The following GALNT14 variants were observed in gnomAD, a reference collection of about 807,000 sequenced individuals.
GALNT14 encodes polypeptide N-acetylgalactosaminyltransferase 14.
In GALNT14, 60 loss-of-function variants were observed where a neutral mutation model predicts 77.5. The ratio of observed to expected loss-of-function variants is 0.77; its 90% CI spans 0.63 to 0.96. GALNT14 has a LOEUF of 0.96. GALNT14 is among the 40% of genes least tolerant of loss of function. The pLI, the probability that GALNT14 is intolerant of heterozygous loss-of-function variation, is 0.00. For missense variants in GALNT14, 710 were observed against 731.0 expected (o/e 0.97, Z 0.33); for synonymous variants, 280 against 281.7 (o/e 0.99, Z 0.06).
At chr2:31,088,981 G>A (rs1676595827) in intron 1 of GALNT14, among the ~76,000 whole-genome samples, 1 of 152,218 alleles carries the variant, frequency 6.6e-6, no homozygotes, top group Non-Finnish European at 1.5e-5. Context: ...CAGGAAAGAT[G>A]AGCAGCTTAG....
At chr2:30,979,389 G>T (rs564140048) in intron 2 of GALNT14, among the ~76,000 whole-genome samples, 1 of 152,234 alleles carries the variant, frequency 6.6e-6, no homozygotes, top group African/African-American at 2.4e-5. Context: ...AGCAAAGAGG[G>T]TGTTTGCTAC....
intron 13 of GALNT14, among the ~76,000 whole-genome samples, chr2:30,921,009 T>C (rs1484759574): frequency 4.6e-5 from 7 of 152,224 alleles, no homozygotes; most frequent in South Asian, 2.1e-4. Flanking sequence ...GATGCTTTAC[T>C]CACCCACAGG....
chr2:30,942,724 G>A (rs1393397931), intron 8 of GALNT14, among the ~76,000 whole-genome samples: 1 of 152,188 alleles, frequency 6.6e-6, no homozygotes, highest in African/African-American at 2.4e-5. Context: ...TACCGACCAC[G>A]CAGAGGAGAA....
chr2:31,086,761 C>T (rs1676450389), intron 1 of GALNT14, among the ~76,000 whole-genome samples: 2 of 152,122 alleles, frequency 1.3e-5, no homozygotes, highest in African/African-American at 4.8e-5. Flanking sequence ...GGTTGGTGCA[C>T]TACGGACTCT....
chr2:31,085,436 G>A (rs1039131711), intron 1 of GALNT14, among the ~76,000 whole-genome samples: 6 of 152,214 alleles, frequency 3.9e-5, no homozygotes, highest in Admixed American at 3.3e-4. Context: ...ACTCCAAGTC[G>A]ATGACAACAA....
intron 1 of GALNT14, among the ~76,000 whole-genome samples, chr2:31,021,512 G>T (rs1035785916): frequency 2.0e-5 from 3 of 151,816 alleles, no homozygotes; most frequent in African/African-American, 7.3e-5. Context: ...TGCCATGTTG[G>T]TCAGGCTGGT....
intron 1 of GALNT14, among the ~76,000 whole-genome samples, chr2:31,079,639 A>G (rs113852793): frequency 4.6e-5 from 7 of 152,180 alleles, no homozygotes; most frequent in African/African-American, 1.2e-4. Context: ...ATAAAACCCT[A>G]CGTCTCATGT....
intron 1 of GALNT14, among the ~76,000 whole-genome samples, chr2:31,053,505 C>A (rs964405011): frequency 2.0e-5 from 3 of 150,626 alleles, no homozygotes; most frequent in Non-Finnish European, 4.4e-5. Context: ...TGGTTCAGAT[C>A]TTAGCTAAGT....
intron 13 of GALNT14, among the ~76,000 whole-genome samples, chr2:30,913,391 C>A (rs1004397953): frequency 1.3e-5 from 2 of 152,060 alleles, no homozygotes; most frequent in Non-Finnish European, 2.9e-5. Context: ...TTCCCCTTGG[C>A]CCAAGAATGA....
downstream of GALNT14, among the ~76,000 whole-genome samples, chr2:30,907,071 G>C (rs1664163356): frequency 6.6e-6 from 1 of 152,162 alleles, no homozygotes; most frequent in Non-Finnish European, 1.5e-5. Flanking sequence ...TGTGTAGAGG[G>C]AAATTTATAG....
chr2:30,999,897 C>T (rs114319305), intron 1 of GALNT14, among the ~76,000 whole-genome samples: 1,802 of 152,306 alleles, frequency 0.012, 45 homozygotes, highest in African/African-American at 0.041. Context: ...CTGTGAGTGT[C>T]GTAAACACTT....
intron 1 of GALNT14, among the ~76,000 whole-genome samples, chr2:31,137,588 C>G (rs549235710): frequency 6.6e-6 from 1 of 152,126 alleles, no homozygotes; most frequent in African/African-American, 2.4e-5. Context: ...CGCCCGGGCG[C>G]TGGCCCGACC....
chr2:30,984,370 C>T (rs1261788068), intron 2 of GALNT14, among the ~76,000 whole-genome samples: 1 of 152,246 alleles, frequency 6.6e-6, no homozygotes, highest in African/African-American at 2.4e-5. Flanking sequence ...TTCTCTGTCA[C>T]ACTTTGGCTT....
At chr2:30,899,441 T>C in the GALNT14 span, among the ~76,000 whole-genome samples, 1 of 152,178 alleles carries the variant, frequency 6.6e-6, no homozygotes, top group Non-Finnish European at 1.5e-5. Flanking sequence ...CAGCCTGTTA[T>C]CTTCAGTAGC....
the GALNT14 span, among the ~76,000 whole-genome samples, chr2:30,894,754 C>G: frequency 6.6e-6 from 1 of 152,168 alleles, no homozygotes; most frequent in Non-Finnish European, 1.5e-5. Context: ...CCAGCTGTTG[C>G]AGGGGAGGGT....
chr2:31,084,412 G>C (rs1224001133), intron 1 of GALNT14, among the ~76,000 whole-genome samples: 1 of 152,210 alleles, frequency 6.6e-6, no homozygotes, highest in African/African-American at 2.4e-5. Flanking sequence ...AAGAATCTCA[G>C]GGCCAGAGGA....
chr2:31,126,125 T>G (rs1678689054), intron 1 of GALNT14, among the ~76,000 whole-genome samples: 1 of 152,204 alleles, frequency 6.6e-6, no homozygotes, highest in Non-Finnish European at 1.5e-5. Context: ...ATTGTAAAGT[T>G]TTCTCTTTAA....
chr2:30,900,100 C>T, the GALNT14 span, among the ~76,000 whole-genome samples: 8 of 152,198 alleles, frequency 5.3e-5, no homozygotes, highest in East Asian at 1.9e-4. Context: ...TATGGTGGAC[C>T]GCAGGTACAA....
chr2:30,905,517 A>C (rs982873381), downstream of GALNT14, among the ~76,000 whole-genome samples: 1 of 152,104 alleles, frequency 6.6e-6, no homozygotes, highest in Admixed American at 6.5e-5. Context: ...GAGAAAAAAG[A>C]ATAAAAAGAA....
Sources: allele counts gnomAD v4.1 joint callset (sites outside exome capture counted in the v4.1 genomes callset), GRCh38; gene constraint gnomAD v4.1.1; transcripts MANE v1.5; gene names NCBI Gene and HGNC (gene_info 2026-07-23, HGNC 2026-07-21).